The following ABCA13 variants were observed in gnomAD, a reference collection of about 807,000 sequenced individuals.
ABCA13 encodes the protein ATP-binding cassette sub-family A member 13.
In ABCA13, 476 loss-of-function variants were observed where a neutral mutation model predicts 478.7. That is an observed-to-expected ratio of 0.99 (90% CI 0.92 to 1.07). The LOEUF (loss-of-function observed/expected upper bound fraction) is 1.07, where lower values mean the gene tolerates loss of function less well. Ranked by LOEUF, ABCA13 falls within the 50% of genes least tolerant of loss-of-function variation. The pLI, the probability that ABCA13 is intolerant of heterozygous loss-of-function variation, is 0.00. For synonymous variants in ABCA13, 2,252 were observed against 2,158.9 expected (o/e 1.04, Z -1.20); for missense variants, 6,060 against 5,910.6 (o/e 1.03, Z -0.83).
intron 15 of ABCA13, among the ~76,000 whole-genome samples, chr7:48,259,993 C>T (rs1031470099): frequency 3.3e-5 from 5 of 151,900 alleles, no homozygotes; most frequent in African/African-American, 1.2e-4. Context: ...TTGTAATGAC[C>T]ATTTCATTTT....
chr7:48,239,992 TGG>T (rs939654644), intron 9 of ABCA13, among the ~76,000 whole-genome samples: 1 of 152,214 alleles, frequency 6.6e-6, no homozygotes, highest in Non-Finnish European at 1.5e-5. Flanking sequence ...TTGCGCTTCT[TGG>T]GGAGGTTTTG....
chr7:48,518,618 G>T lies in ABCA13; in HGVS notation c.13798-1423G>T, dbSNP rs969581796. Among the ~76,000 whole-genome samples the T allele has an allele frequency of 2.0e-5, 3 of 152,064 alleles. No homozygotes were observed. The South Asian group carries it at 6.2e-4, about 32-fold the overall frequency. On this transcript the variant is annotated intron_variant, in intron 52 of 61. Coordinates refer to ENST00000435803, the MANE Select transcript of ABCA13 (RefSeq NM_152701.5). Reference sequence around the variant, plus strand: ...TAAAAGCAGCTTATTGCTTTTGTTTGGGTCTTTCTTTTCCTTTGCTCTTTA... The same window carrying T: ...TAAAAGCAGCTTATTGCTTTTGTTTTGGTCTTTCTTTTCCTTTGCTCTTTA...
rs753716494 is a variant in ABCA13 at position 48,235,464 on chromosome 7, C to G, written c.897+1313C>G. Reference sequence around the variant, plus strand: ...GATCAGAAAATACCACTGTGTATATCAACAGAGCTCCATGGAAATTGTACA... The same window carrying G: ...GATCAGAAAATACCACTGTGTATATGAACAGAGCTCCATGGAAATTGTACA... On this transcript the variant is annotated intron_variant, in intron 8 of 61. Transcript: ENST00000435803. Among the ~76,000 whole-genome samples the G allele has an allele frequency of 1.9e-4, 29 of 152,160 alleles. 1 individual carries two copies. The highest frequency in any genetic ancestry group is 3.2e-4 in the Non-Finnish European group (22 of 68,020).
chr7:48,433,759 G>T (rs1220052833), intron 42 of ABCA13, among the ~76,000 whole-genome samples: 1 of 151,618 alleles, frequency 6.6e-6, no homozygotes, highest in Non-Finnish European at 1.5e-5. Flanking sequence ...CATATAAATG[G>T]TATCATACAG....
At chr7:48,335,736 G>A (rs971210343) in intron 28 of ABCA13, among the ~76,000 whole-genome samples, 4 of 152,156 alleles carry the variant, frequency 2.6e-5, no homozygotes, top group Admixed American at 6.5e-5. Context: ...AAATGGTATC[G>A]TTGTGAGAAT....
chr7:48,620,696 A>G (rs79187922), intron 59 of ABCA13, among the ~76,000 whole-genome samples: 3,702 of 152,266 alleles, frequency 0.024, 60 homozygotes, highest in South Asian at 0.063. Context: ...GATTCCAAAA[A>G]CATTAGGCAG....
At chr7:48,528,935 C>T (rs143456014) in intron 55 of ABCA13, among the ~76,000 whole-genome samples, 1 of 152,300 alleles carries the variant, frequency 6.6e-6, no homozygotes, top group African/African-American at 2.4e-5. Context: ...ATGACCCCTG[C>T]AGGCTCTGTG....
intron 19 of ABCA13, among the ~76,000 whole-genome samples, chr7:48,283,155 C>T (rs549351041): frequency 1.3e-5 from 2 of 152,046 alleles, no homozygotes; most frequent in African/African-American, 4.8e-5. Context: ...GCACAGTGGA[C>T]GTATTCCCAA....
chr7:48,573,517 G>A (rs1420523007), intron 55 of ABCA13, among the ~76,000 whole-genome samples: 1 of 151,880 alleles, frequency 6.6e-6, no homozygotes, highest in Non-Finnish European at 1.5e-5. Flanking sequence ...GCAACATAGC[G>A]AGACTCCATC....
intron 27 of ABCA13, among the ~76,000 whole-genome samples, chr7:48,319,888 T>C (rs1184280932): frequency 1.3e-5 from 2 of 152,178 alleles, no homozygotes; most frequent in East Asian, 1.9e-4. Context: ...TCATGGGGGA[T>C]GCATCAGAAT....
chr7:48,322,852 T>G (rs978852416), intron 27 of ABCA13, among the ~76,000 whole-genome samples: 9 of 152,184 alleles, frequency 5.9e-5, no homozygotes, highest in Admixed American at 5.9e-4. Context: ...TTTTGTCCCT[T>G]GGTAATCACA....
chr7:48,323,113 T>C (rs1803751990), intron 27 of ABCA13, among the ~76,000 whole-genome samples: 1 of 152,198 alleles, frequency 6.6e-6, no homozygotes, highest in Non-Finnish European at 1.5e-5. Context: ...GTGTGGGTTT[T>C]TTCTAGTCTT....
intron 20 of ABCA13, among the ~76,000 whole-genome samples, chr7:48,292,245 C>G (rs1272908712): frequency 6.6e-6 from 1 of 152,144 alleles, no homozygotes. Context: ...GGTGTTCTTT[C>G]CCTCAGATGC....
intron 28 of ABCA13, among the ~76,000 whole-genome samples, chr7:48,336,101 G>A (rs1317166852): frequency 6.6e-6 from 1 of 152,156 alleles, no homozygotes; most frequent in Non-Finnish European, 1.5e-5. Flanking sequence ...GTAGTTCAGA[G>A]TATGGACTCA....
Position 48,272,472 on chromosome 7 carries a change from C to T in ABCA13, c.2806C>T (p.Pro936Ser), listed in dbSNP as rs267601528. The T allele has an allele frequency of 1.2e-6, 2 of 1,613,732 alleles. No homozygotes were observed. The highest frequency in any genetic ancestry group is 1.7e-6 in the Non-Finnish European group (2 of 1,179,750). Reference sequence around the variant, plus strand: ...TGATCTTTTCTCAGCCCTTTCTGAACCACAAAAACAAGAAGTTGATAAAAT... The same window carrying T: ...TGATCTTTTCTCAGCCCTTTCTGAATCACAAAAACAAGAAGTTGATAAAAT... ...ASDLFSALSE[P>S]QKQEVDKILT... Residue 936 changes from proline to serine, a missense_variant, in exon 17 of 62, where the codon CCA becomes TCA. Physicochemically the swap from Pro to Ser is moderately conservative, Grantham distance 74. Around this residue, in one of 3 missense-constraint regions of ABCA13, gnomAD observed 4,423 missense variants for 4,309.1 expected, o/e 1.03. Coordinates refer to ENST00000435803, the MANE Select transcript of ABCA13 (RefSeq NM_152701.5).
chr7:48,529,668 T>C (rs948506411), intron 55 of ABCA13, among the ~76,000 whole-genome samples: 4 of 152,226 alleles, frequency 2.6e-5, no homozygotes, highest in African/African-American at 7.2e-5. Flanking sequence ...GAGAAAGAAC[T>C]GTAAAGGATT....
chr7:48,598,912 A>G (rs1378351414), intron 58 of ABCA13, among the ~76,000 whole-genome samples: 2 of 152,064 alleles, frequency 1.3e-5, no homozygotes, highest in Non-Finnish European at 2.9e-5. Context: ...GTTAATATCC[A>G]ATTATTTCAG....
intron 48 of ABCA13, among the ~76,000 whole-genome samples, chr7:48,496,003 G>T (rs1349250105): frequency 6.6e-6 from 1 of 152,032 alleles, no homozygotes; most frequent in African/African-American, 2.4e-5. Context: ...TGTGTAAAGT[G>T]AGTTTTGTGT....
intron 44 of ABCA13, 56 bp from the exon 45 acceptor site, chr7:48,471,474 A>G (rs1298440098): frequency 2.1e-6 from 3 of 1,458,558 alleles, no homozygotes; most frequent in Non-Finnish European, 1.9e-6. Flanking sequence ...TTTTATGGAA[A>G]TACAATGGCT....
Sources: gnomAD v4.1 joint callset for allele counts (sites outside exome capture counted in the v4.1 genomes callset) on GRCh38, gnomAD v4.1.1 for gene constraint, gnomAD v4.1.1 regional missense constraint, MANE v1.5 for transcripts, NCBI Gene and HGNC (gene_info 2026-07-23, HGNC 2026-07-21) for gene names.